Variants in MGLL observed in about 807,000 individuals in gnomAD.
The protein encoded by MGLL is lysophospholipase homolog.
In MGLL, 7 loss-of-function variants were observed where a neutral mutation model predicts 29.1. That is an observed-to-expected ratio of 0.24 (90% CI 0.14 to 0.45). The LOEUF is 0.45. Among genes scored for constraint, MGLL ranks in the 20% least tolerant of loss-of-function variants. The pLI is 0.99. For missense variants in MGLL, 356 were observed against 413.6 expected (o/e 0.86, Z 1.21); for synonymous variants, 148 against 168.3 (o/e 0.88, Z 0.93).
chr3:127,722,991 G>A (rs775791313), intron 3 of MGLL, among the ~76,000 whole-genome samples: 39 of 152,166 alleles, frequency 2.6e-4, no homozygotes, highest in Non-Finnish European at 3.1e-4. Flanking sequence ...CCTGAATATT[G>A]GCCTTTCACT....
intron 3 of MGLL, among the ~76,000 whole-genome samples, chr3:127,754,806 G>A (rs911277846): frequency 6.6e-6 from 1 of 152,210 alleles, no homozygotes; most frequent in Admixed American, 6.5e-5. Context: ...CCACACCAGA[G>A]AGCGAGAACG....
At chr3:127,768,496 G>A (rs760524955) in intron 3 of MGLL, among the ~76,000 whole-genome samples, 2 of 152,164 alleles carry the variant, frequency 1.3e-5, no homozygotes, top group South Asian at 2.1e-4. Flanking sequence ...GTGGTTTAGG[G>A]ATCAGAGCCC....
intron 3 of MGLL, among the ~76,000 whole-genome samples, chr3:127,774,734 A>T (rs933248646): frequency 6.6e-6 from 1 of 150,678 alleles, no homozygotes; most frequent in African/African-American, 2.5e-5. Context: ...CAGCAGCAGC[A>T]CCCCCAGGGG....
intron 2 of MGLL, among the ~76,000 whole-genome samples, chr3:127,788,567 T>C (rs535176422): frequency 6.6e-6 from 1 of 152,182 alleles, no homozygotes; most frequent in South Asian, 2.1e-4. Flanking sequence ...ACCCCTACCC[T>C]ACCCTGTACT....
chr3:127,708,736 A>G (rs2075652265), intron 6 of MGLL, among the ~76,000 whole-genome samples: 1 of 152,194 alleles, frequency 6.6e-6, no homozygotes, highest in Admixed American at 6.5e-5. Flanking sequence ...CACTGGTTTT[A>G]CCAGACACCA....
intron 3 of MGLL, among the ~76,000 whole-genome samples, chr3:127,732,996 C>CG (rs1437103791): frequency 3.3e-5 from 5 of 152,106 alleles, no homozygotes; most frequent in Non-Finnish European, 7.4e-5. Flanking sequence ...CCATCTTGAA[C>CG]GGGGGCTGGG....
At chr3:127,747,986 C>T (rs2076480284) in intron 3 of MGLL, among the ~76,000 whole-genome samples, 2 of 152,212 alleles carry the variant, frequency 1.3e-5, no homozygotes, top group Admixed American at 6.5e-5. Context: ...GGGACAGATG[C>T]TCTCTCTTCC....
chr3:127,726,119 GGAAA>G (rs869029966), intron 3 of MGLL, among the ~76,000 whole-genome samples: 5,894 of 75,016 alleles, frequency 0.079, 259 homozygotes, highest in South Asian at 0.091. Flanking sequence ...AAAGAAAGCA[GGAAA>G]GAAAGAAAGA....
At chr3:127,738,600 T>C (rs1245797539) in intron 3 of MGLL, among the ~76,000 whole-genome samples, 7 of 152,158 alleles carry the variant, frequency 4.6e-5, no homozygotes, top group African/African-American at 1.7e-4. Flanking sequence ...TCCCACTCCT[T>C]GGGCCTGCCT....
At chr3:127,719,825 G>A (rs922094795) in intron 5 of MGLL, among the ~76,000 whole-genome samples, 3 of 152,156 alleles carry the variant, frequency 2.0e-5, no homozygotes, top group Admixed American at 1.3e-4. Context: ...CAGTAAGTCC[G>A]TGATTTCCTT....
At chr3:127,755,178 TA>T (rs886371511) in intron 3 of MGLL, among the ~76,000 whole-genome samples, 3 of 152,136 alleles carry the variant, frequency 2.0e-5, no homozygotes, top group Admixed American at 1.3e-4. Flanking sequence ...AAGGAGAAGA[TA>T]AAACCTGGAT....
chr3:127,806,632 G>T (rs968197248), intron 2 of MGLL, among the ~76,000 whole-genome samples: 2 of 152,064 alleles, frequency 1.3e-5, no homozygotes, highest in African/African-American at 4.8e-5. Flanking sequence ...TGGGTGGATA[G>T]ATGGAAGGAT....
chr3:127,801,216 C>T (rs1362735404), intron 2 of MGLL, among the ~76,000 whole-genome samples: 2 of 150,810 alleles, frequency 1.3e-5, no homozygotes, highest in African/African-American at 4.9e-5. Flanking sequence ...GCAGGAGAAT[C>T]GCTTGAACCC....
At chr3:127,791,537 T>C (rs1369797030) in intron 2 of MGLL, among the ~76,000 whole-genome samples, 1 of 152,224 alleles carries the variant, frequency 6.6e-6, no homozygotes, top group Non-Finnish European at 1.5e-5. Flanking sequence ...AAGGAATGCT[T>C]ATTGAGCTAA....
At chr3:127,763,851 G>A (rs72626381) in intron 3 of MGLL, among the ~76,000 whole-genome samples, 19,195 of 152,186 alleles carry the variant, frequency 0.13, 1,254 homozygotes, top group Middle Eastern at 0.17. Context: ...TCAAGGAGCA[G>A]CTAAGTTTAC....
chr3:127,727,398 T>C (rs2076065906), intron 3 of MGLL, among the ~76,000 whole-genome samples: 1 of 152,100 alleles, frequency 6.6e-6, no homozygotes, highest in African/African-American at 2.4e-5. Flanking sequence ...AATGAGTCCA[T>C]ATAGATATTT....
At chr3:127,745,701 A>T (rs1172558980) in intron 3 of MGLL, among the ~76,000 whole-genome samples, 2 of 152,182 alleles carry the variant, frequency 1.3e-5, no homozygotes, top group East Asian at 1.9e-4. Flanking sequence ...ATAATAATAA[A>T]AAAGAAAGCC....
intron 5 of MGLL, 44 bp downstream of exon 5, chr3:127,721,009 C>T (rs1182667994): frequency 6.5e-7 from 1 of 1,542,400 alleles, no homozygotes; most frequent in East Asian, 2.2e-5. Context: ...GACCCATGTC[C>T]CGGGGAACCT....
intron 5 of MGLL, chr3:127,713,331 G>A (rs2075754650): frequency 6.6e-6 from 1 of 152,240 alleles, no homozygotes; most frequent in East Asian, 1.9e-4. Flanking sequence ...GAGACATGGG[G>A]CTGCCAGCTG....
Sources: gnomAD v4.1 joint callset for allele counts (sites outside exome capture counted in the v4.1 genomes callset) on GRCh38, gnomAD v4.1.1 for gene constraint, MANE v1.5 for transcripts, NCBI Gene and HGNC (gene_info 2026-07-23, HGNC 2026-07-21) for gene names.